Variants in ERI3 observed in about 807,000 individuals in gnomAD.
ERI3 encodes the protein ERI1 exoribonuclease 3.
Under a neutral mutation model 44.4 loss-of-function variants are expected in ERI3, and 18 were observed. That is an observed-to-expected ratio of 0.41 (90% CI 0.28 to 0.60). The LOEUF (loss-of-function observed/expected upper bound fraction) is 0.60, where lower values mean the gene tolerates loss of function less well. ERI3 is among the 20% of genes least tolerant of loss of function. The pLI is 0.36. For synonymous variants in ERI3, 183 were observed against 164.8 expected, an observed-to-expected ratio of 1.11 and a Z score of -0.84; for missense variants, 294 against 435.5, an observed-to-expected ratio of 0.68 and a Z score of 2.89.
intron 4 of ERI3, among the ~76,000 whole-genome samples, chr1:44,317,111 C>CCATGTGTGTGCACATGTCATACG (rs1646103833): frequency 6.6e-6 from 1 of 151,500 alleles, no homozygotes; most frequent in Admixed American, 6.6e-5. Context: ...AAGCATGTGC[C>CCATGTGTGTGCACATGTCATACG]CATGTGTGTG....
intron 7 of ERI3, among the ~76,000 whole-genome samples, chr1:44,255,177 C>A (rs1644756459): frequency 6.6e-6 from 1 of 152,168 alleles, no homozygotes; most frequent in African/African-American, 2.4e-5. Flanking sequence ...CACATCCTAT[C>A]CAGCTACTGC....
At chr1:44,234,607 C>T (rs897649448) in intron 8 of ERI3, among the ~76,000 whole-genome samples, 1 of 151,784 alleles carries the variant, frequency 6.6e-6, no homozygotes, top group Admixed American at 6.6e-5. Context: ...TGCAGTGAGC[C>T]GAGATCACAT....
At chr1:44,267,588 T>C (rs1220806935) in intron 7 of ERI3, among the ~76,000 whole-genome samples, 1 of 152,244 alleles carries the variant, frequency 6.6e-6, no homozygotes, top group Admixed American at 6.5e-5. Flanking sequence ...GCAGCTTGCA[T>C]AGTTAAACAA....
At chr1:44,328,783 C>G (rs1646368696) in intron 3 of ERI3, among the ~76,000 whole-genome samples, 1 of 152,154 alleles carries the variant, frequency 6.6e-6, no homozygotes, top group African/African-American at 2.4e-5. Flanking sequence ...AAATGAGAAT[C>G]AGAGCCCATG....
At chr1:44,287,612 GC>G (rs1334400486) in intron 6 of ERI3, among the ~76,000 whole-genome samples, 1 of 152,226 alleles carries the variant, frequency 6.6e-6, no homozygotes, top group Non-Finnish European at 1.5e-5. Flanking sequence ...AGATAGATGT[GC>G]CCATGTGGGA....
intron 8 of ERI3, among the ~76,000 whole-genome samples, chr1:44,229,235 T>G (rs1486624550): frequency 6.6e-6 from 1 of 151,398 alleles, no homozygotes; most frequent in African/African-American, 2.4e-5. Flanking sequence ...GCAGGGAGAG[T>G]GGCTGGTGGC....
chr1:44,347,702 T>C (rs1216858233), intron 2 of ERI3, among the ~76,000 whole-genome samples: 1 of 151,912 alleles, frequency 6.6e-6, no homozygotes, highest in Non-Finnish European at 1.5e-5. Flanking sequence ...ATGTTTCTTC[T>C]ACTACCAGTA....
At chr1:44,304,669 A>C (rs1184139762) in intron 6 of ERI3, among the ~76,000 whole-genome samples, 1 of 152,118 alleles carries the variant, frequency 6.6e-6, no homozygotes, top group African/African-American at 2.4e-5. Context: ...CAGTCTCTTC[A>C]GTGGTCTTGA....
intron 1 of ERI3, chr1:44,353,809 C>T (rs951671468): frequency 1.5e-5 from 15 of 985,368 alleles, no homozygotes; most frequent in Non-Finnish European, 1.8e-5. Context: ...TGCCAAAGTG[C>T]TCTGAGCTCC....
chr1:44,227,632 A>G (rs1490927346), intron 8 of ERI3, among the ~76,000 whole-genome samples: 1 of 152,164 alleles, frequency 6.6e-6, no homozygotes, highest in Non-Finnish European at 1.5e-5. Flanking sequence ...ACCCTGTATT[A>G]TCTGGCAACT....
In ERI3 at chr1:44,251,634, G is replaced by A. The variant is rs568781251; in HGVS notation, c.832-3596C>T. On this transcript the variant is annotated intron_variant, in intron 7 of 8. Coordinates refer to ENST00000372257, the MANE Select transcript of ERI3 (RefSeq NM_024066.3). ...GGGAGTGGTACTGGCAGGCTGGGAC[G>A]GTTTGACAGGTGGCAGGGGAGTACA... Among the ~76,000 whole-genome samples, 3 of 152,312 alleles carry A rather than the reference G, an allele frequency of 2.0e-5. No individual in the cohort carries two copies. The South Asian group carries it at 6.2e-4, about 32-fold the overall frequency.
At chr1:44,253,386 C>T (rs756700386) in intron 7 of ERI3, among the ~76,000 whole-genome samples, 13 of 152,246 alleles carry the variant, frequency 8.5e-5, no homozygotes, top group Non-Finnish European at 1.8e-4. Context: ...GGACTACTCA[C>T]TCCCACTGCT....
At chr1:44,230,292 AG>A (rs1471472123) in intron 8 of ERI3, 1 of 152,226 alleles carries the variant, frequency 6.6e-6, no homozygotes, top group Non-Finnish European at 1.5e-5. Flanking sequence ...GGCCCCATCC[AG>A]GTAGAGGAGC....
chr1:44,318,449 C>A (rs533597620), intron 4 of ERI3, among the ~76,000 whole-genome samples: 1 of 152,182 alleles, frequency 6.6e-6, no homozygotes, highest in Non-Finnish European at 1.5e-5. Flanking sequence ...ATAGGTAAAT[C>A]CCAGGGGAAA....
intron 6 of ERI3, among the ~76,000 whole-genome samples, chr1:44,303,671 G>A (rs1353257455): frequency 2.6e-5 from 4 of 152,240 alleles, no homozygotes; most frequent in Non-Finnish European, 4.4e-5. Context: ...GGTGGGGAGG[G>A]GTGTGGGGGT....
In ERI3 at chr1:44,235,588, G is replaced by C. The variant is rs1010607300; in HGVS notation, c.931+12351C>G. Among the ~76,000 whole-genome samples the C allele has an allele frequency of 1.3e-5, 2 of 152,184 alleles. No homozygotes were observed. The highest frequency in any genetic ancestry group is 4.8e-5 in the African/African-American group (2 of 41,458). On this transcript the variant is annotated intron_variant, in intron 8 of 8. Coordinates refer to ENST00000372257, the MANE Select transcript of ERI3 (RefSeq NM_024066.3). The surrounding 1 kb of genome is among the most constrained non-coding windows in gnomAD (Gnocchi z 4.6). ...AAAAGAAAGAGGGGCAAGATCACACGCAAACCTACTCCAGCCCTGACATTT... is the reference window on the plus strand; with the variant it reads ...AAAAGAAAGAGGGGCAAGATCACACCCAAACCTACTCCAGCCCTGACATTT...
chr1:44,225,707 G>A (rs1644021939), intron 8 of ERI3, among the ~76,000 whole-genome samples: 1 of 152,154 alleles, frequency 6.6e-6, no homozygotes, highest in Non-Finnish European at 1.5e-5. Flanking sequence ...AGGACACCCA[G>A]AAAGAGCTCA....
intron 4 of ERI3, 56 bp downstream of exon 4, chr1:44,319,572 A>C (rs947663729): frequency 7.9e-7 from 1 of 1,265,600 alleles, no homozygotes; most frequent in Non-Finnish European, 1.1e-6. Flanking sequence ...TAGAGCACCA[A>C]GGATTCCAAA....
chr1:44,272,815 AG>A (rs1645112506), intron 7 of ERI3, among the ~76,000 whole-genome samples: 1 of 151,776 alleles, frequency 6.6e-6, no homozygotes, highest in Non-Finnish European at 1.5e-5. Flanking sequence ...ATTCCAGCCT[AG>A]GTGACAGAGC....
Sources: gnomAD v4.1 joint callset for allele counts (sites outside exome capture counted in the v4.1 genomes callset) on GRCh38, gnomAD v4.1.1 for gene constraint, Gnocchi (gnomAD v3.1) non-coding constraint, MANE v1.5 for transcripts, NCBI Gene and HGNC (gene_info 2026-07-23, HGNC 2026-07-21) for gene names.